Variants in ABCC3 observed in about 807,000 individuals in gnomAD.
The protein encoded by ABCC3 is ATP-binding cassette sub-family C member 3.
Under a neutral mutation model 165.3 loss-of-function variants are expected in ABCC3, and 121 were observed. That is an observed-to-expected ratio of 0.73 (90% CI 0.63 to 0.85). ABCC3 has a LOEUF of 0.85. Ranked by LOEUF, ABCC3 falls within the 40% of genes least tolerant of loss-of-function variation. The pLI is 0.00. For missense variants in ABCC3, 1,869 were observed against 1,964.1 expected (o/e 0.95, Z 0.92); for synonymous variants, 733 against 810.1 (o/e 0.90, Z 1.62).
chr17:50,653,415 T>C (rs1469020979), intron 1 of ABCC3, among the ~76,000 whole-genome samples: 1 of 150,940 alleles, frequency 6.6e-6, no homozygotes, highest in African/African-American at 2.4e-5. Flanking sequence ...CAGAGCTTAT[T>C]TGAAAAAATA....
Position 50,667,550 on chromosome 17 carries a change from A to G in ABCC3, c.1432-4A>G, listed in dbSNP as rs1309018092. The G allele has an allele frequency of 6.2e-7, 1 of 1,604,140 alleles. No homozygotes were observed. Among genetic ancestry groups the G allele is most frequent in the Non-Finnish European group, 8.5e-7 (1 of 1,172,108 alleles). ...TGCCACTGACACTCTTTCTGCCTGCACAGGTAAAGCAAATGAAATTGAAGG... is the reference window on the plus strand; with the variant it reads ...TGCCACTGACACTCTTTCTGCCTGCGCAGGTAAAGCAAATGAAATTGAAGG... On this transcript the variant is annotated splice_region_variant and splice_polypyrimidine_tract_variant and intron_variant, in intron 11 of 30. Transcript: ENST00000285238.
At chr17:50,677,018 A>G (rs932691010) in intron 23 of ABCC3, among the ~76,000 whole-genome samples, 1 of 152,046 alleles carries the variant, frequency 6.6e-6, no homozygotes, top group African/African-American at 2.4e-5. Flanking sequence ...GGTAGCTGGG[A>G]TTACAGGCAT....
chr17:50,642,655 G>A (rs1367160571), intron 1 of ABCC3, among the ~76,000 whole-genome samples: 1 of 152,194 alleles, frequency 6.6e-6, no homozygotes, highest in Non-Finnish European at 1.5e-5. Context: ...TCAAGGGCAC[G>A]AAGGGGCTCA....
At chr17:50,642,474 C>T (rs552948004) in intron 1 of ABCC3, among the ~76,000 whole-genome samples, 196 of 152,328 alleles carry the variant, frequency 1.3e-3, no homozygotes, top group South Asian at 2.3e-3. Flanking sequence ...CAGGTGTCTG[C>T]GAAACCAAAA....
At position 50,669,469 on chromosome 17, in the gene ABCC3, G is replaced by A. The variant is rs1013671132; in HGVS notation, c.2182G>A (p.Ala728Thr). ...CTACCAGCAGACTCTGGAGGCCTGT[G>A]CCTTGCTAGCTGACCTGGAGATGCT... ...KRYQQTLEAC[A>T]LLADLEMLPG... Residue 728 changes from alanine (A) to threonine (T), a missense_variant, in exon 17 of 31, where the codon GCC becomes ACC. Coordinates refer to ENST00000285238, the MANE Select transcript of ABCC3 (RefSeq NM_003786.4). The A allele has an allele frequency of 1.9e-6, 3 of 1,614,274 alleles. No individual in the cohort carries two copies. The highest frequency in any genetic ancestry group is 2.5e-6 in the Non-Finnish European group (3 of 1,180,046).
At chr17:50,652,031 C>T (rs938036896) in intron 1 of ABCC3, among the ~76,000 whole-genome samples, 1 of 152,130 alleles carries the variant, frequency 6.6e-6, no homozygotes. Flanking sequence ...CAAAGATTAC[C>T]CAAGTCAGAT....
intron 1 of ABCC3, among the ~76,000 whole-genome samples, chr17:50,641,348 G>A (rs1046977220): frequency 6.6e-6 from 1 of 152,218 alleles, no homozygotes; most frequent in Non-Finnish European, 1.5e-5. Context: ...TCTTCAGAGC[G>A]GGAATGAGAG....
chr17:50,665,006 T>C, intron 10 of ABCC3, 147 bp from the exon 11 acceptor site: 1 of 665,330 alleles, frequency 1.5e-6, no homozygotes, highest in Non-Finnish European at 2.6e-6. Flanking sequence ...TCATTCTGAC[T>C]TTCTATCTGT....
rs972110934 is a variant in ABCC3, at chr17:50,658,624, C to T, written c.674+128C>T. On this transcript the variant is annotated intron_variant, in intron 6 of 30. Transcript: ENST00000285238. ...CTATCCCACCCCCCACCGCAGTGGG[C>T]ACAGGGCAGATGAGGGTAGGGAAGT... The T allele has an allele frequency of 3.8e-6, 4 of 1,040,896 alleles. No individual in the cohort carries two copies. The Admixed American group carries it at 5.5e-5, about 14-fold the overall frequency. The allele number at this position is 1,040,896 out of a possible 1,614,324, so 64.5% of individuals were successfully genotyped here.
chr17:50,673,248 G>A, intron 18 of ABCC3, 110 bp downstream of exon 18: 2 of 1,414,696 alleles, frequency 1.4e-6, no homozygotes, highest in South Asian at 1.3e-5. Flanking sequence ...GGGGGCGCAA[G>A]AAGTGGGCAT....
chr17:50,640,088 G>A (rs1192468879), intron 1 of ABCC3, among the ~76,000 whole-genome samples: 1 of 152,158 alleles, frequency 6.6e-6, no homozygotes, highest in African/African-American at 2.4e-5. Context: ...TGGATATTCA[G>A]GTTTCTAGTC....
chr17:50,642,037 C>T (rs1160080353), intron 1 of ABCC3, among the ~76,000 whole-genome samples: 2 of 151,836 alleles, frequency 1.3e-5, no homozygotes, highest in Admixed American at 6.6e-5. Flanking sequence ...ACTGTCATGC[C>T]GTTCAACCTG....
In ABCC3 at chr17:50,673,985, TCTCTCTCTC is replaced by T. The variant is rs1567835596; in HGVS notation, c.2599+328_2599+336del. The stretch of plus-strand genomic sequence containing the variant: ...CTTTCTTTCTTTCTTTCTTTCTCTC[TCTCTCTCTC>T]TCTCTCTCTCTCTCTCTCTCTCTCT... On this transcript the variant is annotated intron_variant, in intron 19 of 30. Transcript: ENST00000285238. Among the ~76,000 whole-genome samples the T allele has an allele frequency of 2.9e-3, 12 of 4,128 alleles. 2 individuals are homozygous for T. The highest frequency in any genetic ancestry group is 5.6e-3 in the Admixed American group (2 of 358). The allele number at this position is 4,128 out of a possible 152,430, so 2.7% of individuals were successfully genotyped here. A position where few individuals can be genotyped will look rare whatever the true frequency, so the allele number is the denominator to read the frequency against.
intron 1 of ABCC3, among the ~76,000 whole-genome samples, chr17:50,653,364 GAA>G (rs1967153316): frequency 1.5e-5 from 2 of 134,366 alleles, no homozygotes; most frequent in African/African-American, 5.6e-5. Flanking sequence ...AAAAAAAAAA[GAA>G]AAAGAAAAAG....
Position 50,665,231 on chromosome 17 carries a change from A to T in ABCC3, c.1417A>T (p.Met473Leu). 6.2e-7 allele frequency: 1 copy of T among 1,613,930 alleles called. No individual in the cohort carries two copies. The highest frequency in any genetic ancestry group is 8.5e-7 in the Non-Finnish European group (1 of 1,179,932). ...IPLNGAVAVK[M>L]RAFQVKQMKL... ...ACTCAACGGAGCTGTGGCCGTGAAGATGCGCGCCTTCCAGGTAGGTGCTGT... is the reference window on the plus strand; with the variant it reads ...ACTCAACGGAGCTGTGGCCGTGAAGTTGCGCGCCTTCCAGGTAGGTGCTGT... Residue 473 changes from methionine (M) to leucine (L), a missense_variant, in exon 11 of 31, where the codon ATG becomes TTG. Transcript: ENST00000285238.
intron 22 of ABCC3, 72 bp from the exon 23 acceptor site, chr17:50,676,206 T>C: frequency 6.3e-7 from 1 of 1,586,730 alleles, no homozygotes; most frequent in Non-Finnish European, 8.6e-7. Context: ...GGTCAACCCG[T>C]GTCTCTGATT....
intron 1 of ABCC3, among the ~76,000 whole-genome samples, chr17:50,650,017 A>G (rs1018367706): frequency 6.6e-6 from 1 of 152,228 alleles, no homozygotes; most frequent in Non-Finnish European, 1.5e-5. Context: ...CTAAAGAGAA[A>G]GAAAAACATT....
chr17:50,679,070 G>A (rs1466638265), intron 25 of ABCC3: 1 of 152,186 alleles, frequency 6.6e-6, no homozygotes, highest in Non-Finnish European at 1.5e-5. Flanking sequence ...GTGTAGGGCT[G>A]GCATACCGCT....
intron 25 of ABCC3, 89 bp downstream of exon 25, chr17:50,678,308 C>A: frequency 7.1e-7 from 1 of 1,400,452 alleles, no homozygotes; most frequent in Non-Finnish European, 9.4e-7. Flanking sequence ...CCCCTCCCTG[C>A]TCAGTATGGG....
Sources: gnomAD v4.1 joint callset for allele counts (sites outside exome capture counted in the v4.1 genomes callset) on GRCh38, gnomAD v4.1.1 for gene constraint, MANE v1.5 for transcripts, NCBI Gene and HGNC (gene_info 2026-07-23, HGNC 2026-07-21) for gene names.